MAPKAP1: variants seen among roughly 807,000 people sequenced by gnomAD.
MAPKAP1 encodes target of rapamycin complex 2 subunit MAPKAP1.
In MAPKAP1, 20 loss-of-function variants were observed where a neutral mutation model predicts 65.7. The ratio of observed to expected loss-of-function variants is 0.30; its 90% CI spans 0.21 to 0.44. The LOEUF (loss-of-function observed/expected upper bound fraction) is 0.44. Ranked by LOEUF, MAPKAP1 falls within the 20% of genes least tolerant of loss-of-function variation. The pLI is 1.00. For missense variants in MAPKAP1, 423 were observed against 648.0 expected (o/e 0.65, Z 3.77); for synonymous variants, 222 against 244.3 (o/e 0.91, Z 0.85).
intron 8 of MAPKAP1, among the ~76,000 whole-genome samples, chr9:125,498,510 G>A (rs1416153970): frequency 6.6e-6 from 1 of 152,078 alleles, no homozygotes; most frequent in Non-Finnish European, 1.5e-5. Context: ...ACAATAGTAG[G>A]CCCAAATACG....
intron 4 of MAPKAP1, among the ~76,000 whole-genome samples, chr9:125,648,167 G>A (rs1753348732): frequency 6.6e-6 from 1 of 152,096 alleles, no homozygotes; most frequent in Non-Finnish European, 1.5e-5. Flanking sequence ...TACTGGAATA[G>A]GAGAAAAAGG....
At chr9:125,685,146 C>T (rs1467103881) in intron 1 of MAPKAP1, among the ~76,000 whole-genome samples, 4 of 152,196 alleles carry the variant, frequency 2.6e-5, no homozygotes, top group Non-Finnish European at 5.9e-5. Flanking sequence ...GAAAACACAG[C>T]AGAGAAGGCA....
chr9:125,506,290 G>C lies in MAPKAP1; in HGVS notation c.1066+20C>G, dbSNP rs1418527395. ...GTTTGCAACGGACAAAGCGGGCATG[G>C]AGCGAGGCGGCCAACGTACTGTTCT... On this transcript the variant is annotated intron_variant, in intron 8 of 11. Transcript: ENST00000265960. 4 of 1,600,230 alleles carry C rather than the reference G, an allele frequency of 2.5e-6. No individual in the cohort carries two copies. The highest frequency in any genetic ancestry group is 2.2e-5 in the East Asian group (1 of 44,814).
At chr9:125,691,867 C>A (rs768419656) in intron 1 of MAPKAP1, among the ~76,000 whole-genome samples, 12 of 152,126 alleles carry the variant, frequency 7.9e-5, no homozygotes, top group Non-Finnish European at 1.6e-4. Context: ...TCACTAATGC[C>A]CAATATATAT....
At chr9:125,572,624 T>C (rs1044329452) in intron 5 of MAPKAP1, among the ~76,000 whole-genome samples, 2 of 152,290 alleles carry the variant, frequency 1.3e-5, no homozygotes, top group African/African-American at 4.8e-5. Flanking sequence ...ATCTCTGACT[T>C]GTGGTCAGAA....
intron 3 of MAPKAP1, 39 bp from the exon 4 acceptor site, chr9:125,657,838 A>G (rs1181461556): frequency 3.1e-6 from 5 of 1,597,924 alleles, no homozygotes; most frequent in Non-Finnish European, 4.3e-6. Flanking sequence ...TTGTGATTAC[A>G]CAGAGACAAC....
intron 10 of MAPKAP1, among the ~76,000 whole-genome samples, chr9:125,463,325 G>C (rs1853567296): frequency 6.6e-6 from 1 of 152,150 alleles, no homozygotes; most frequent in South Asian, 2.1e-4. Flanking sequence ...TGTCTAACTG[G>C]CTTGGCCATT....
intron 4 of MAPKAP1, among the ~76,000 whole-genome samples, chr9:125,598,287 C>T (rs571485824): frequency 6.6e-6 from 1 of 152,246 alleles, no homozygotes; most frequent in South Asian, 2.1e-4. Context: ...ATCTGGAATG[C>T]TTAAAGGCTA....
chr9:125,597,137 C>T (rs1046394195), intron 4 of MAPKAP1, among the ~76,000 whole-genome samples: 6 of 151,532 alleles, frequency 4.0e-5, no homozygotes, highest in Admixed American at 1.3e-4. Context: ...TGGTGGTGGG[C>T]GCCTGTAGTC....
chr9:125,446,735 C>T (rs962197993), intron 10 of MAPKAP1, among the ~76,000 whole-genome samples: 1 of 152,102 alleles, frequency 6.6e-6, no homozygotes, highest in African/African-American at 2.4e-5. Context: ...ACCCACAGAC[C>T]CGAAGCTTCG....
At chr9:125,702,921 G>T (rs931795131) in intron 1 of MAPKAP1, among the ~76,000 whole-genome samples, 1 of 152,028 alleles carries the variant, frequency 6.6e-6, no homozygotes, top group East Asian at 1.9e-4. Context: ...CTATTGGGGA[G>T]GCAGAGGTGG....
intron 1 of MAPKAP1, among the ~76,000 whole-genome samples, chr9:125,682,360 C>T (rs750503754): frequency 2.2e-4 from 34 of 152,310 alleles, no homozygotes; most frequent in Middle Eastern, 6.8e-3. Flanking sequence ...ATAAACCACA[C>T]TAAACTATAA....
chr9:125,515,613 C>A (rs1829437657), intron 7 of MAPKAP1, among the ~76,000 whole-genome samples: 1 of 152,194 alleles, frequency 6.6e-6, no homozygotes, highest in African/African-American at 2.4e-5. Flanking sequence ...ATCATTCAGC[C>A]CCAGCCTAAT....
At chr9:125,643,584 T>C (rs558467333) in intron 4 of MAPKAP1, among the ~76,000 whole-genome samples, 1 of 152,368 alleles carries the variant, frequency 6.6e-6, no homozygotes, top group Non-Finnish European at 1.5e-5. Context: ...GTTTCAATCA[T>C]TATGTAATAT....
At chr9:125,693,666 CATATACACGTAT>C (rs1267105244) in intron 1 of MAPKAP1, among the ~76,000 whole-genome samples, 7,293 of 134,290 alleles carry the variant, frequency 0.054, 402 homozygotes, top group East Asian at 0.2. Context: ...CATACACACA[CATATACACGTAT>C]ATATACACGT....
chr9:125,603,199 G>A (rs1158087927), intron 4 of MAPKAP1, among the ~76,000 whole-genome samples: 4 of 151,938 alleles, frequency 2.6e-5, no homozygotes, highest in African/African-American at 7.3e-5. Flanking sequence ...GTGAGCCACC[G>A]CACCCAGCCT....
intron 8 of MAPKAP1, among the ~76,000 whole-genome samples, chr9:125,489,002 G>C (rs1854602247): frequency 6.6e-6 from 1 of 152,170 alleles, no homozygotes; most frequent in Admixed American, 6.5e-5. Context: ...TTCCAGAAAG[G>C]AGTGAACCCA....
At chr9:125,634,229 C>A (rs1017558866) in intron 4 of MAPKAP1, among the ~76,000 whole-genome samples, 2 of 152,170 alleles carry the variant, frequency 1.3e-5, no homozygotes, top group African/African-American at 4.8e-5. Context: ...GTGATTACTG[C>A]CAAGTGCTGC....
At chr9:125,647,742 A>T (rs968063982) in intron 4 of MAPKAP1, among the ~76,000 whole-genome samples, 2 of 152,212 alleles carry the variant, frequency 1.3e-5, no homozygotes, top group African/African-American at 2.4e-5. Flanking sequence ...CACGGTGCAG[A>T]GCTGGTATGC....
Sources: gnomAD v4.1 joint callset for allele counts (sites outside exome capture counted in the v4.1 genomes callset) on GRCh38, gnomAD v4.1.1 for gene constraint, MANE v1.5 for transcripts, NCBI Gene and HGNC (gene_info 2026-07-23, HGNC 2026-07-21) for gene names.